Variants in NME8 observed in about 807,000 individuals in gnomAD.
NME8 encodes the protein protein NME8.
NME8 carries 72 observed loss-of-function variants against 82.3 expected under a neutral mutation model. The observed-to-expected ratio is 0.87, with a 90% CI of 0.72 to 1.06. The LOEUF (loss-of-function observed/expected upper bound fraction) is 1.06, where lower values mean the gene tolerates loss of function less well. Ranked by LOEUF, NME8 falls within the 50% of genes least tolerant of loss-of-function variation. The pLI is 0.00. For missense variants in NME8, 712 were observed against 685.4 expected (o/e 1.04, Z -0.43); for synonymous variants, 267 against 228.5 (o/e 1.17, Z -1.52).
intron 12 of NME8, among the ~76,000 whole-genome samples, chr7:37,877,930 A>G (rs188717614): frequency 2.0e-5 from 3 of 152,274 alleles, no homozygotes; most frequent in East Asian, 1.9e-4. Flanking sequence ...GCAAAGTGAG[A>G]TACTTGTTCC....
intron 11 of NME8, among the ~76,000 whole-genome samples, chr7:37,870,047 C>T (rs530153253): frequency 9.9e-5 from 15 of 152,156 alleles, no homozygotes; most frequent in East Asian, 7.7e-4. Context: ...AATTTCTGTG[C>T]GTTGGTCCAT....
intron 14 of NME8, among the ~76,000 whole-genome samples, chr7:37,887,114 A>G (rs1646143904): frequency 6.6e-6 from 1 of 152,178 alleles, no homozygotes; most frequent in Non-Finnish European, 1.5e-5. Context: ...GCATAGATAG[A>G]TAGAAAAACA....
At chr7:37,859,555 T>A (rs1784568013) in intron 6 of NME8, among the ~76,000 whole-genome samples, 1 of 152,230 alleles carries the variant, frequency 6.6e-6, no homozygotes, top group Non-Finnish European at 1.5e-5. Context: ...TTTGCTTTAC[T>A]TCTTAGTTCT....
intron 15 of NME8, among the ~76,000 whole-genome samples, chr7:37,889,233 T>C (rs561834904): frequency 9.2e-5 from 14 of 152,054 alleles, no homozygotes; most frequent in African/African-American, 2.9e-4. Flanking sequence ...CTTATCATTA[T>C]TATATTTCCT....
At chr7:37,891,260 A>C (rs1007608087) in intron 15 of NME8, among the ~76,000 whole-genome samples, 2 of 151,700 alleles carry the variant, frequency 1.3e-5, no homozygotes, top group African/African-American at 2.4e-5. Context: ...TTTCTTCACT[A>C]TGCAGAATTT....
rs777785559 is a variant in NME8, at chr7:37,876,930, A to G, written c.917A>G (p.Asp306Gly). ...VAKFMDAFFP[D>G]FKKMKSMKLE... ...AAGTTCATGGATGCTTTCTTCCCCG[A>G]TTTTAAAAAAATGAAAAGCATGAAA... The change falls in exon 12 of 18, where the codon GAT (aspartate) becomes GGT (glycine). Residue 306 changes from aspartate (D) to glycine (G), a missense_variant. Transcript: ENST00000199447. 6.2e-7 allele frequency: 1 copy of G among 1,613,134 alleles called. No individual in the cohort carries two copies. Among genetic ancestry groups the G allele is most frequent in the Admixed American group, 1.7e-5 (1 of 59,984 alleles).
At chr7:37,886,993 GCAGGAAGGAA>G (rs1005789487) in intron 14 of NME8, among the ~76,000 whole-genome samples, 1 of 152,142 alleles carries the variant, frequency 6.6e-6, no homozygotes, top group African/African-American at 2.4e-5. Context: ...ATCAGTGTTA[GCAGGAAGGAA>G]CATTATTCAC....
chr7:37,882,623 G>GAA (rs1361084492), intron 12 of NME8, among the ~76,000 whole-genome samples: 25 of 94,614 alleles, frequency 2.6e-4, no homozygotes, highest in African/African-American at 4.7e-4. Context: ...GAGAAAGAAA[G>GAA]AAAGAAAGAA....
chr7:37,855,497 T>C (rs928939988), intron 5 of NME8, among the ~76,000 whole-genome samples: 8 of 128,194 alleles, frequency 6.2e-5, no homozygotes, highest in Middle Eastern at 7.5e-3. Flanking sequence ...TAACGAACTT[T>C]GCGGCATTCC....
At chr7:37,894,407 T>C (rs1785184371) in intron 15 of NME8, 59 bp from the exon 16 acceptor site, 21 of 1,532,738 alleles carry the variant, frequency 1.4e-5, no homozygotes, top group Middle Eastern at 1.7e-4. Flanking sequence ...TTCAGTCTAC[T>C]TGAGTATGGA....
At chr7:37,878,240 A>G (rs1214802320) in intron 12 of NME8, among the ~76,000 whole-genome samples, 1 of 152,124 alleles carries the variant, frequency 6.6e-6, no homozygotes. Flanking sequence ...CTTCATTTTG[A>G]TAACATGGTG....
Position 37,874,353 on chromosome 7 carries a change from G to T in NME8, c.819-2479G>T, listed in dbSNP as rs116306705. Among the ~76,000 whole-genome samples, 300 of 152,186 alleles carry T rather than the reference G, an allele frequency of 2.0e-3. 1 individual carries two copies. The highest frequency in any genetic ancestry group is 6.8e-3 in the African/African-American group (284 of 41,510). On this transcript the variant is annotated intron_variant, in intron 11 of 17. Coordinates refer to ENST00000199447, the MANE Select transcript of NME8 (RefSeq NM_016616.5). ...GGTTTGTGGGTGTATGTGGCAAAAT[G>T]GTTCAAAGATCAAGAAGGCAGTATT...
In NME8 at chr7:37,896,817, A is replaced by G. The variant is rs1383741777; in HGVS notation, c.1545-53A>G. 5 of 1,455,810 alleles carry G rather than the reference A, an allele frequency of 3.4e-6. No homozygotes were observed. The African/African-American group carries it at 4.2e-5, about 12-fold the overall frequency. 90.2% of individuals were successfully genotyped at this position (1,455,810 alleles called of 1,614,324 possible). On this transcript the variant is annotated intron_variant, in intron 16 of 17. Transcript: ENST00000199447. ...GTGTTCTGTCTTTAGCCTTGTTTGC[A>G]GTGTCAACAGTTTTCAGTAGGCTGG...
chr7:37,884,515 G>C (rs375571155), intron 13 of NME8, 68 bp downstream of exon 13: 6 of 1,431,456 alleles, frequency 4.2e-6, no homozygotes, highest in Middle Eastern at 2.2e-4. Flanking sequence ...TCTTAAGTCT[G>C]GTTTCTATTT....
At chr7:37,891,931 T>G (rs1301898694) in intron 15 of NME8, among the ~76,000 whole-genome samples, 2 of 150,016 alleles carry the variant, frequency 1.3e-5, no homozygotes, top group Non-Finnish European at 3.0e-5. Context: ...TCTTGAGCTA[T>G]TCTCCTATTT....
At chr7:37,878,430 C>G (rs891223686) in intron 12 of NME8, among the ~76,000 whole-genome samples, 1 of 151,988 alleles carries the variant, frequency 6.6e-6, no homozygotes, top group Non-Finnish European at 1.5e-5. Context: ...ATGTTTTTAT[C>G]TGGTTTTGGT....
At chr7:37,893,836 T>C (rs538461690) in intron 15 of NME8, among the ~76,000 whole-genome samples, 5 of 152,138 alleles carry the variant, frequency 3.3e-5, no homozygotes, top group Non-Finnish European at 5.9e-5. Flanking sequence ...CCTGGCCACC[T>C]CCCTTCCAGC....
chr7:37,878,437 T>G (rs2131961541), intron 12 of NME8, among the ~76,000 whole-genome samples: 1 of 152,318 alleles, frequency 6.6e-6, no homozygotes, highest in East Asian at 1.9e-4. Flanking sequence ...TATCTGGTTT[T>G]GGTGTCAGAG....
At chr7:37,875,880 G>A (rs1454302067) in intron 11 of NME8, among the ~76,000 whole-genome samples, 3 of 151,970 alleles carry the variant, frequency 2.0e-5, no homozygotes, top group Non-Finnish European at 4.4e-5. Context: ...AAGTAAGGAT[G>A]AGAGGAATTA....
Sources: allele counts gnomAD v4.1 joint callset (sites outside exome capture counted in the v4.1 genomes callset), GRCh38; gene constraint gnomAD v4.1.1; transcripts MANE v1.5; gene names NCBI Gene and HGNC (gene_info 2026-07-23, HGNC 2026-07-21).